NSMAF: variants seen among roughly 807,000 people sequenced by gnomAD.
NSMAF encodes protein FAN.
NSMAF carries 90 observed loss-of-function variants against 134.9 expected under a neutral mutation model. The observed-to-expected ratio is 0.67, with a 90% CI of 0.56 to 0.79. The LOEUF (loss-of-function observed/expected upper bound fraction) is 0.79, where lower values mean the gene tolerates loss of function less well. Among genes scored for constraint, NSMAF ranks in the 30% least tolerant of loss-of-function variants. NSMAF has a pLI of 0.00. For missense variants in NSMAF, 1,010 were observed against 1,119.0 expected (o/e 0.90, Z 1.39); for synonymous variants, 358 against 389.6 (o/e 0.92, Z 0.96).
At chr8:58,611,307 C>CA (rs1443880381) in intron 9 of NSMAF, among the ~76,000 whole-genome samples, 5 of 151,932 alleles carry the variant, frequency 3.3e-5, no homozygotes, top group African/African-American at 1.2e-4. Context: ...TTTGAGAGGC[C>CA]AAAGCAAGAG....
At chr8:58,620,065 G>A (rs1396840744) in intron 9 of NSMAF, among the ~76,000 whole-genome samples, 3 of 152,168 alleles carry the variant, frequency 2.0e-5, no homozygotes, top group Non-Finnish European at 4.4e-5. Flanking sequence ...GTAAGAGAAT[G>A]GGATAATACA....
chr8:58,616,518 G>A (rs1318077703), intron 9 of NSMAF, among the ~76,000 whole-genome samples: 2 of 151,958 alleles, frequency 1.3e-5, no homozygotes, highest in Non-Finnish European at 2.9e-5. Context: ...TCATGTCAAT[G>A]AATGCAGAAA....
rs74784575 is a variant in NSMAF at position 58,647,738 on chromosome 8, A to G, written c.60-4665T>C. Among the ~76,000 whole-genome samples, 862 of 152,312 alleles carry G rather than the reference A, an allele frequency of 5.7e-3. 7 individuals are homozygous for G. The highest frequency in any genetic ancestry group is 0.019 in the African/African-American group (805 of 41,548). ...GCTCCCTGAGGCTTACCAGAAACCAAGCAGATGCTGGTGCCTTGCTTCCTG... is the reference window on the plus strand; with the variant it reads ...GCTCCCTGAGGCTTACCAGAAACCAGGCAGATGCTGGTGCCTTGCTTCCTG... On this transcript the variant is annotated intron_variant, in intron 1 of 30. Transcript: ENST00000038176.
intron 1 of NSMAF, among the ~76,000 whole-genome samples, chr8:58,656,598 G>A (rs527948369): frequency 4.7e-5 from 7 of 149,428 alleles, no homozygotes; most frequent in Admixed American, 3.9e-4. Context: ...AGGCCAAGGC[G>A]GGTGGGTGGA....
intron 9 of NSMAF, among the ~76,000 whole-genome samples, chr8:58,616,537 G>C (rs1412366022): frequency 6.6e-6 from 1 of 151,970 alleles, no homozygotes; most frequent in East Asian, 1.9e-4. Context: ...AAAAATATTT[G>C]ACAAAATTCT....
At chr8:58,591,282 C>T (rs903820818) in intron 23 of NSMAF, among the ~76,000 whole-genome samples, 1 of 151,992 alleles carries the variant, frequency 6.6e-6, no homozygotes, top group Non-Finnish European at 1.5e-5. Flanking sequence ...AACAATGAAA[C>T]AGTAATTTTA....
chr8:58,637,006 G>A (rs1223477688), intron 2 of NSMAF, among the ~76,000 whole-genome samples: 1 of 144,194 alleles, frequency 6.9e-6, no homozygotes, highest in East Asian at 2.0e-4. Context: ...GAGGATAACT[G>A]ATTAAGATTA....
chr8:58,599,726 C>CA, intron 18 of NSMAF, 24 bp downstream of exon 18: 2 of 1,607,710 alleles, frequency 1.2e-6, no homozygotes, highest in Non-Finnish European at 1.7e-6. Context: ...GTCTATAATA[C>CA]AACACCTCCA....
intron 9 of NSMAF, among the ~76,000 whole-genome samples, chr8:58,619,849 A>G (rs1433223583): frequency 6.6e-6 from 1 of 152,198 alleles, no homozygotes; most frequent in Non-Finnish European, 1.5e-5. Context: ...GCTTTTATGG[A>G]AATTGACAAG....
At position 58,631,496 on chromosome 8, in the gene NSMAF, C is replaced by T. The variant is rs1362193250; in HGVS notation, c.384G>A (p.Arg128=). The change falls in exon 6 of 31, where the codon AGG becomes AGA. Residue 128 remains arginine, a splice_region_variant and synonymous_variant. Transcript: ENST00000038176. Reference sequence around the variant, plus strand: ...GAAATACATGAAAAGCTTTACTTACCCTTTCTATTTTATATGGTGCAACAA... The same window carrying T: ...GAAATACATGAAAAGCTTTACTTACTCTTTCTATTTTATATGGTGCAACAA... ...HNVVAPYKIE[R]GKMEYVFELD... The T allele has an allele frequency of 2.7e-6, 4 of 1,491,186 alleles. No homozygotes were observed. Among genetic ancestry groups the T allele is most frequent in the African/African-American group, 2.9e-5 (2 of 69,842 alleles). 92.4% of individuals were successfully genotyped at this position (1,491,186 alleles called of 1,614,324 possible).
At position 58,586,337 on chromosome 8, in the gene NSMAF, T is replaced by C. The variant is rs949187231; in HGVS notation, c.2446+121A>G. 6 of 1,043,284 alleles carry C rather than the reference T, an allele frequency of 5.8e-6. No homozygotes were observed. The African/African-American group carries it at 9.9e-5, about 17-fold the overall frequency. 64.6% of individuals were successfully genotyped at this position (1,043,284 alleles called of 1,614,324 possible). A position where few individuals can be genotyped will look rare whatever the true frequency, so the allele number is the denominator to read the frequency against. ...AGTGTTAGCCATTGGCAAAACCTCT[T>C]TTATCAGCAAATAGTGTTTTTCTTT... On this transcript the variant is annotated intron_variant, in intron 28 of 30. Transcript: ENST00000038176.
chr8:58,596,907 G>C (rs1279728749), intron 21 of NSMAF, among the ~76,000 whole-genome samples: 1 of 151,262 alleles, frequency 6.6e-6, no homozygotes, highest in Non-Finnish European at 1.5e-5. Context: ...CTCCAGCGTG[G>C]GGGACAAAGC....
chr8:58,651,342 T>C (rs1807577823), intron 1 of NSMAF, among the ~76,000 whole-genome samples: 1 of 152,230 alleles, frequency 6.6e-6, no homozygotes, highest in Non-Finnish European at 1.5e-5. Flanking sequence ...GAAAGAGTTC[T>C]CATGAATTTA....
At chr8:58,648,995 A>G (rs966645694) in intron 1 of NSMAF, among the ~76,000 whole-genome samples, 1 of 152,256 alleles carries the variant, frequency 6.6e-6, no homozygotes. Flanking sequence ...TCTAGACTCA[A>G]CAATGGTAGA....
In NSMAF at chr8:58,588,575, G is replaced by A. The variant is rs981397985; in HGVS notation, c.2212-874C>T. ...TGTAGCTTCACATACAGCTTGGGAA[G>A]CAAATAGGCATCAAAGATGCTCGCT... On this transcript the variant is annotated intron_variant, in intron 26 of 30. Coordinates refer to ENST00000038176, the MANE Select transcript of NSMAF (RefSeq NM_003580.4). 4.9e-5 allele frequency: 64 copies of A among 1,297,090 alleles called. 1 individual carries two copies. The highest frequency in any genetic ancestry group is 6.7e-5 in the Non-Finnish European group (61 of 906,818). 80.3% of individuals were successfully genotyped at this position (1,297,090 alleles called of 1,614,324 possible).
chr8:58,608,410 G>A (rs1431270545), intron 10 of NSMAF, among the ~76,000 whole-genome samples: 1 of 152,154 alleles, frequency 6.6e-6, no homozygotes, highest in African/African-American at 2.4e-5. Context: ...AGAGAAAGGA[G>A]GTTTAAAAAG....
chr8:58,657,314 T>C (rs115075372), intron 1 of NSMAF, among the ~76,000 whole-genome samples: 221 of 152,342 alleles, frequency 1.5e-3, no homozygotes, highest in African/African-American at 4.8e-3. Context: ...CTAAAATCCC[T>C]TAATTAGCAT....
chr8:58,621,963 CTTTAG>C (rs763312630), intron 9 of NSMAF, among the ~76,000 whole-genome samples: 5 of 152,212 alleles, frequency 3.3e-5, no homozygotes, highest in Admixed American at 6.5e-5. Flanking sequence ...TTTAAAAGCT[CTTTAG>C]TTTAATTAGT....
rs922228681 is a variant in NSMAF at position 58,639,297 on chromosome 8, A to G, written c.149+3687T>C. 7.7e-4 allele frequency among the ~76,000 whole-genome samples: 114 copies of G among 147,396 alleles called. 1 individual carries two copies. Among genetic ancestry groups the G allele is most frequent in the African/African-American group, 2.5e-3 (100 of 40,338 alleles). ...AGACTCCGTCTCAATAAAAAAAAAA[A>G]AAGAAGAAGAAGAAGAAGAAGAAGA... is the stretch of plus-strand genomic sequence containing the variant. On this transcript the variant is annotated intron_variant, in intron 2 of 30. Coordinates refer to ENST00000038176, the MANE Select transcript of NSMAF (RefSeq NM_003580.4).
Sources: allele counts gnomAD v4.1 joint callset (sites outside exome capture counted in the v4.1 genomes callset), GRCh38; gene constraint gnomAD v4.1.1; transcripts MANE v1.5; gene names NCBI Gene and HGNC (gene_info 2026-07-23, HGNC 2026-07-21).